ACADSB: variants seen among roughly 807,000 people sequenced by gnomAD.
ACADSB encodes short/branched chain specific acyl-CoA dehydrogenase, mitochondrial.
A neutral mutation model predicts 54.1 loss-of-function variants in ACADSB; 40 were observed. That is an observed-to-expected ratio of 0.74 (90% CI 0.57 to 0.96). The LOEUF is 0.96. ACADSB is among the 40% of genes least tolerant of loss of function. The pLI, the probability that ACADSB is intolerant of heterozygous loss-of-function variation, is 0.00. For synonymous variants in ACADSB, 182 were observed against 182.8 expected, an observed-to-expected ratio of 1.00 and a Z score of 0.03; for missense variants, 530 against 510.4, an observed-to-expected ratio of 1.04 and a Z score of -0.37.
chr10:123,026,190 A>G (rs1269543444), intron 1 of ACADSB, among the ~76,000 whole-genome samples: 2 of 152,204 alleles, frequency 1.3e-5, no homozygotes, highest in African/African-American at 4.8e-5. Context: ...GAAAAACAGA[A>G]CTAATAATAG....
intron 2 of ACADSB, among the ~76,000 whole-genome samples, chr10:123,036,391 A>C (rs1589739340): frequency 6.6e-6 from 1 of 152,328 alleles, no homozygotes; most frequent in South Asian, 2.1e-4. Flanking sequence ...CCAGCTAGTA[A>C]ATTTCTTTTC....
intron 1 of ACADSB, among the ~76,000 whole-genome samples, chr10:123,024,517 G>A (rs760689272): frequency 2.0e-5 from 3 of 152,254 alleles, no homozygotes; most frequent in Non-Finnish European, 4.4e-5. Context: ...TCCCCTGGAT[G>A]GAGCAGAAAG....
intron 1 of ACADSB, among the ~76,000 whole-genome samples, chr10:123,015,288 A>G (rs1157108206): frequency 6.6e-6 from 1 of 152,252 alleles, no homozygotes; most frequent in East Asian, 1.9e-4. Flanking sequence ...GGCAACCATC[A>G]AAGAGTCTTT....
At chr10:123,019,515 A>G (rs1850152663) in intron 1 of ACADSB, among the ~76,000 whole-genome samples, 1 of 152,198 alleles carries the variant, frequency 6.6e-6, no homozygotes, top group South Asian at 2.1e-4. Context: ...TAAGATTGTG[A>G]TGGCCTTTGT....
rs996253516 is a variant in ACADSB, at chr10:123,009,086, G to T, written c.42+15G>T. 3 of 1,544,876 alleles carry T rather than the reference G, an allele frequency of 1.9e-6. No homozygotes were observed. Among genetic ancestry groups the T allele is most frequent in the African/African-American group, 2.7e-5 (2 of 73,030 alleles). ...GCAGCAGGCTGGTGAGTGCGTTCGA[G>T]GCTGGCGTCCTGGGGGCCCAGGGCG... On this transcript the variant is annotated intron_variant, in intron 1 of 10. Transcript: ENST00000358776.
At chr10:123,031,136 ATTTCT>A (rs1850321209) in intron 1 of ACADSB, among the ~76,000 whole-genome samples, 1 of 152,228 alleles carries the variant, frequency 6.6e-6, no homozygotes, top group African/African-American at 2.4e-5. Context: ...AGTATCTGTA[ATTTCT>A]TTTGATGACA....
intron 8 of ACADSB, among the ~76,000 whole-genome samples, chr10:123,048,063 A>G (rs2133489506): frequency 6.6e-6 from 1 of 151,748 alleles, no homozygotes. Context: ...CAAACCTTTT[A>G]GGCAACCTGA....
chr10:123,057,390 G>C lies in ACADSB; in HGVS notation c.*3625G>C, dbSNP rs1194806464. On this transcript the variant is annotated 3_prime_UTR_variant, in exon 11 of 11. Coordinates refer to ENST00000358776, the MANE Select transcript of ACADSB (RefSeq NM_001609.4). The stretch of plus-strand genomic sequence containing the variant: ...AGTGCATCAGTAAATGTGTTATTTT[G>C]TCATTTTTCCAAAGAGAGTGTTGTA... 1 of 152,126 alleles carries C rather than the reference G, an allele frequency of 6.6e-6. No individual in the cohort carries two copies. Among genetic ancestry groups the C allele is most frequent in the Non-Finnish European group, 1.5e-5 (1 of 68,016 alleles). The allele number at this position is 152,126 out of a possible 1,614,324, so 9.4% of individuals were successfully genotyped here.
intron 6 of ACADSB, 112 bp downstream of exon 6, chr10:123,043,283 A>C (rs151225331): frequency 3.7e-6 from 5 of 1,342,370 alleles, no homozygotes; most frequent in African/African-American, 2.9e-5. Flanking sequence ...AAGCACACGC[A>C]GGAGAGTATT....
At chr10:123,013,624 G>A (rs578195745) in intron 1 of ACADSB, among the ~76,000 whole-genome samples, 11 of 152,380 alleles carry the variant, frequency 7.2e-5, no homozygotes, top group South Asian at 2.1e-4. Flanking sequence ...CAGGCATGGT[G>A]GGCTGCAGGT....
intron 1 of ACADSB, among the ~76,000 whole-genome samples, chr10:123,025,830 G>A (rs2133465737): frequency 6.6e-6 from 1 of 152,304 alleles, no homozygotes; most frequent in Middle Eastern, 3.4e-3. Context: ...GGAGGCAGAG[G>A]CGGGCAGATC....
chr10:123,047,315 G>T lies in ACADSB; in HGVS notation c.990+17G>T, dbSNP rs1417279381. ...GATTTTCAGGTATGTAATTATTAGGGTCTTTCTGCTGTGTTAGACTTCCCC... is the reference window on the plus strand; with the variant it reads ...GATTTTCAGGTATGTAATTATTAGGTTCTTTCTGCTGTGTTAGACTTCCCC... On this transcript the variant is annotated intron_variant, in intron 8 of 10. Coordinates refer to ENST00000358776, the MANE Select transcript of ACADSB (RefSeq NM_001609.4). 2 of 1,517,228 alleles carry T rather than the reference G, an allele frequency of 1.3e-6. No homozygotes were observed. The highest frequency in any genetic ancestry group is 1.4e-5 in the African/African-American group (1 of 72,772). 94.0% of individuals were successfully genotyped at this position (1,517,228 alleles called of 1,614,324 possible). A position where few individuals can be genotyped will look rare whatever the true frequency, so the allele number is the denominator to read the frequency against.
rs953378444 is a variant in ACADSB, at chr10:123,056,767, A to T, written c.*3002A>T. 3 of 152,454 alleles carry T rather than the reference A, an allele frequency of 2.0e-5. No individual in the cohort carries two copies. The highest frequency in any genetic ancestry group is 1.9e-4 in the East Asian group (1 of 5,184). 9.4% of individuals were successfully genotyped at this position (152,454 alleles called of 1,614,324 possible). A position where few individuals can be genotyped will look rare whatever the true frequency, so the allele number is the denominator to read the frequency against. On this transcript the variant is annotated 3_prime_UTR_variant, in exon 11 of 11. Transcript: ENST00000358776. Reference sequence around the variant, plus strand: ...TTTAATAAAAGGATAATGTTTATTTAAAAAACCTGACTTTTCCAGAGTAAT... The same window carrying T: ...TTTAATAAAAGGATAATGTTTATTTTAAAAACCTGACTTTTCCAGAGTAAT...
At chr10:123,032,817 G>A (rs941258475) in intron 1 of ACADSB, among the ~76,000 whole-genome samples, 3 of 151,850 alleles carry the variant, frequency 2.0e-5, no homozygotes, top group Non-Finnish European at 2.9e-5. Context: ...TTGAACTCCC[G>A]ACCTCAGATG....
chr10:123,040,814 T>C, intron 4 of ACADSB, 142 bp downstream of exon 4: 1 of 821,976 alleles, frequency 1.2e-6, no homozygotes, highest in African/African-American at 1.7e-5. Context: ...GCTTGATAAA[T>C]TAATGCTGCT....
rs571147447 is a variant in ACADSB at position 123,010,845 on chromosome 10, A to G, written c.42+1774A>G. ...AGAGGAAAGGTTAGAACTATGTGCA[A>G]CTAACCCCATGTCATGTAGGTGTGG... On this transcript the variant is annotated intron_variant, in intron 1 of 10. Coordinates refer to ENST00000358776, the MANE Select transcript of ACADSB (RefSeq NM_001609.4). Among the ~76,000 whole-genome samples the G allele has an allele frequency of 2.6e-5, 4 of 152,338 alleles. No individual in the cohort carries two copies. In the South Asian group the frequency reaches 6.2e-4, roughly 24 times the overall value.
At chr10:123,040,171 C>G (rs1038055654) in intron 3 of ACADSB, among the ~76,000 whole-genome samples, 1 of 134,984 alleles carries the variant, frequency 7.4e-6, no homozygotes, top group Non-Finnish European at 1.5e-5. Context: ...CATGGCGAAA[C>G]CCCATCTCTA....
chr10:123,032,667 G>A (rs1850342379), intron 1 of ACADSB, among the ~76,000 whole-genome samples: 1 of 138,558 alleles, frequency 7.2e-6, no homozygotes. Context: ...TAGGCTCACC[G>A]CAACCTCCGC....
At chr10:123,010,006 T>A (rs777181108) in intron 1 of ACADSB, among the ~76,000 whole-genome samples, 1 of 152,284 alleles carries the variant, frequency 6.6e-6, no homozygotes, top group East Asian at 1.9e-4. Context: ...TCTGACCCTT[T>A]TTCTTATTAG....
Sources: gnomAD v4.1 joint callset for allele counts (sites outside exome capture counted in the v4.1 genomes callset) on GRCh38, gnomAD v4.1.1 for gene constraint, MANE v1.5 for transcripts, NCBI Gene and HGNC (gene_info 2026-07-23, HGNC 2026-07-21) for gene names.